The following AGBL4 variants were observed in gnomAD, a reference collection of about 807,000 sequenced individuals.
AGBL4 encodes cytosolic carboxypeptidase 6.
A neutral mutation model predicts 66.4 loss-of-function variants in AGBL4; 58 were observed. The ratio of observed to expected loss-of-function variants is 0.87; its 90% CI spans 0.71 to 1.09. The LOEUF is 1.09. AGBL4 is among the 50% of genes least tolerant of loss of function. AGBL4 has a pLI of 0.00. For synonymous variants in AGBL4, 234 were observed against 222.9 expected (o/e 1.05, Z -0.44); for missense variants, 579 against 631.0 (o/e 0.92, Z 0.88).
chr1:49,665,386 G>C (rs2124505644), intron 3 of AGBL4, among the ~76,000 whole-genome samples: 1 of 152,222 alleles, frequency 6.6e-6, no homozygotes, highest in South Asian at 2.1e-4. Context: ...TCTACAAACT[G>C]TATTAGGCTA....
At chr1:49,167,937 C>G (rs1171993836) in intron 4 of AGBL4, among the ~76,000 whole-genome samples, 1 of 152,038 alleles carries the variant, frequency 6.6e-6, no homozygotes, top group East Asian at 1.9e-4. Flanking sequence ...AATAACAATA[C>G]AACAATAATA....
At chr1:49,665,444 T>C (rs1428963108) in intron 3 of AGBL4, among the ~76,000 whole-genome samples, 2 of 152,182 alleles carry the variant, frequency 1.3e-5, no homozygotes, top group Non-Finnish European at 2.9e-5. Context: ...ATCTGTTAAA[T>C]AGAAATAATA....
intron 7 of AGBL4, among the ~76,000 whole-genome samples, chr1:48,656,635 G>A (rs1380684702): frequency 1.3e-5 from 2 of 152,210 alleles, no homozygotes; most frequent in African/African-American, 4.8e-5. Context: ...GGGGTGCCAG[G>A]ATGCAGCCAT....
chr1:49,817,217 A>G (rs1168353787), intron 2 of AGBL4, among the ~76,000 whole-genome samples: 1 of 152,170 alleles, frequency 6.6e-6, no homozygotes, highest in African/African-American at 2.4e-5. Flanking sequence ...AGGCAAGTGA[A>G]CACTCAGCAA....
At chr1:49,391,522 G>C (rs1644844922) in intron 3 of AGBL4, among the ~76,000 whole-genome samples, 1 of 151,132 alleles carries the variant, frequency 6.6e-6, no homozygotes, top group South Asian at 2.1e-4. Flanking sequence ...AGGAATGAGA[G>C]AGCATGAAAA....
intron 6 of AGBL4, among the ~76,000 whole-genome samples, chr1:48,750,639 ACAGGGCT>A (rs1172142185): frequency 2.0e-5 from 3 of 152,346 alleles, no homozygotes; most frequent in African/African-American, 7.2e-5. Flanking sequence ...CGTGCCTAGC[ACAGGGCT>A]CGGAACAGAG....
At chr1:49,385,574 T>C (rs1016844382) in intron 3 of AGBL4, among the ~76,000 whole-genome samples, 1 of 152,114 alleles carries the variant, frequency 6.6e-6, no homozygotes, top group Non-Finnish European at 1.5e-5. Context: ...TAATTATTGG[T>C]TACAATATTA....
chr1:49,895,226 A>T (rs1309180695), intron 1 of AGBL4, among the ~76,000 whole-genome samples: 1 of 151,768 alleles, frequency 6.6e-6, no homozygotes, highest in Non-Finnish European at 1.5e-5. Flanking sequence ...GAGAGATTTC[A>T]ACACCAGACC....
At chr1:49,284,174 T>A (rs1644349836) in intron 3 of AGBL4, among the ~76,000 whole-genome samples, 2 of 152,158 alleles carry the variant, frequency 1.3e-5, no homozygotes, top group African/African-American at 4.8e-5. Context: ...AGCGGATCTC[T>A]CGGCAGAAAC....
intron 3 of AGBL4, among the ~76,000 whole-genome samples, chr1:49,519,020 A>G (rs1650054752): frequency 6.6e-6 from 1 of 152,138 alleles, no homozygotes; most frequent in African/African-American, 2.4e-5. Context: ...GCTCTACTAA[A>G]AATAAGTTTG....
At chr1:48,708,964 CCACATATTGCCTGAGGACAAAGA>C (rs1271846213) in intron 6 of AGBL4, among the ~76,000 whole-genome samples, 1 of 152,208 alleles carries the variant, frequency 6.6e-6, no homozygotes, top group East Asian at 1.9e-4. Context: ...GGAAGGATGG[CCACATATTGCCTGAGGACAAAGA>C]CACAGGCCTG....
intron 9 of AGBL4, among the ~76,000 whole-genome samples, chr1:48,612,045 G>A (rs1397030495): frequency 6.6e-6 from 1 of 152,260 alleles, no homozygotes; most frequent in Non-Finnish European, 1.5e-5. Flanking sequence ...TGCATATAAT[G>A]CAAACCTGCA....
At chr1:48,914,334 CAG>C (rs1451156736) in intron 5 of AGBL4, among the ~76,000 whole-genome samples, 1 of 151,944 alleles carries the variant, frequency 6.6e-6, no homozygotes, top group Non-Finnish European at 1.5e-5. Context: ...ATTAAAAAAA[CAG>C]AACAGCATTT....
At chr1:49,612,505 C>T (rs184809671) in intron 3 of AGBL4, among the ~76,000 whole-genome samples, 142 of 152,062 alleles carry the variant, frequency 9.3e-4, no homozygotes, top group East Asian at 3.3e-3. Flanking sequence ...TATCCAGAAA[C>T]GATATGGAAC....
chr1:49,004,872 T>C (rs1195987070), intron 5 of AGBL4, among the ~76,000 whole-genome samples: 1 of 152,140 alleles, frequency 6.6e-6, no homozygotes, highest in African/African-American at 2.4e-5. Context: ...CCTTTGAATA[T>C]AGTGAGCAGT....
At chr1:49,779,545 G>T (rs1238407557) in intron 2 of AGBL4, among the ~76,000 whole-genome samples, 1 of 152,104 alleles carries the variant, frequency 6.6e-6, no homozygotes, top group Admixed American at 6.6e-5. Context: ...CACTGAGTAA[G>T]AGTGGGAAAA....
At chr1:49,939,247 G>T (rs61785500) in intron 1 of AGBL4, among the ~76,000 whole-genome samples, 2 of 150,130 alleles carry the variant, frequency 1.3e-5, no homozygotes, top group African/African-American at 2.4e-5. Flanking sequence ...TGGGTAGGAA[G>T]AATCAATATC....
At chr1:48,918,548 G>A (rs1557460199) in intron 5 of AGBL4, among the ~76,000 whole-genome samples, 1 of 152,098 alleles carries the variant, frequency 6.6e-6, no homozygotes, top group South Asian at 2.1e-4. Flanking sequence ...AGGTCATCAG[G>A]GTAGAGCACT....
chr1:49,822,371 C>T (rs559374152), intron 2 of AGBL4, among the ~76,000 whole-genome samples: 92 of 151,892 alleles, frequency 6.1e-4, no homozygotes, highest in Non-Finnish European at 9.9e-4. Context: ...CTCTGTCACC[C>T]AGGCTGGAAT....
Sources: allele counts gnomAD v4.1 joint callset (sites outside exome capture counted in the v4.1 genomes callset), GRCh38; gene constraint gnomAD v4.1.1; transcripts MANE v1.5; gene names NCBI Gene and HGNC (gene_info 2026-07-23, HGNC 2026-07-21).